EDNRA: variants seen among roughly 807,000 people sequenced by gnomAD.
The protein encoded by EDNRA is endothelin-1 receptor.
A neutral mutation model predicts 41.4 loss-of-function variants in EDNRA; 11 were observed. The ratio of observed to expected loss-of-function variants is 0.27; its 90% CI spans 0.17 to 0.44. The LOEUF is 0.44. Among genes scored for constraint, EDNRA ranks in the 20% least tolerant of loss-of-function variants. EDNRA has a pLI of 1.00. For synonymous variants in EDNRA, 172 were observed against 183.0 expected (o/e 0.94, Z 0.49); for missense variants, 294 against 531.0 (o/e 0.55, Z 4.39).
intron 2 of EDNRA, among the ~76,000 whole-genome samples, chr4:147,515,142 C>T (rs1302723523): frequency 6.6e-6 from 1 of 152,168 alleles, no homozygotes; most frequent in African/African-American, 2.4e-5. Context: ...TGCTTATGTC[C>T]CAACTCCAAA....
chr4:147,488,986 G>T (rs911855773), intron 2 of EDNRA: 8 of 152,152 alleles, frequency 5.3e-5, no homozygotes, highest in Non-Finnish European at 1.2e-4. Flanking sequence ...TGAAAATAAT[G>T]CATACAATTG....
chr4:147,513,809 G>A (rs944585317), intron 2 of EDNRA, among the ~76,000 whole-genome samples: 1 of 152,176 alleles, frequency 6.6e-6, no homozygotes, highest in Non-Finnish European at 1.5e-5. Flanking sequence ...AGGAGATGAA[G>A]GAGAGGAGAA....
chr4:147,530,057 T>C, intron 3 of EDNRA, among the ~76,000 whole-genome samples: 1 of 152,342 alleles, frequency 6.6e-6, no homozygotes, highest in African/African-American at 2.4e-5. Context: ...TACATTGGAT[T>C]ATGGATGTGT....
At chr4:147,508,655 C>A (rs904451752) in intron 2 of EDNRA, among the ~76,000 whole-genome samples, 3 of 152,178 alleles carry the variant, frequency 2.0e-5, no homozygotes, top group Admixed American at 2.0e-4. Context: ...AGGCAGGCAT[C>A]TAAGTTATTT....
intron 3 of EDNRA, among the ~76,000 whole-genome samples, chr4:147,527,277 T>C (rs1487048291): frequency 6.6e-6 from 1 of 152,140 alleles, no homozygotes; most frequent in African/African-American, 2.4e-5. Context: ...AAATTATGTG[T>C]ACAAACAAGC....
chr4:147,494,058 A>C (rs1729226176), intron 2 of EDNRA: 1 of 152,216 alleles, frequency 6.6e-6, no homozygotes, highest in Admixed American at 6.5e-5. Context: ...AGCAAGTCAA[A>C]TCTTGCATCT....
At chr4:147,489,906 C>T (rs11934092) in intron 2 of EDNRA, 2 of 152,088 alleles carry the variant, frequency 1.3e-5, no homozygotes, top group African/African-American at 4.8e-5. Context: ...CACCTCCTTC[C>T]TACTAATTCC....
At chr4:147,507,474 T>C (rs1308808833) in intron 2 of EDNRA, among the ~76,000 whole-genome samples, 1 of 152,204 alleles carries the variant, frequency 6.6e-6, no homozygotes, top group African/African-American at 2.4e-5. Flanking sequence ...TTATATAACA[T>C]TCTTGAAATG....
rs559296700 is a variant in EDNRA, at chr4:147,517,704, T to C, written c.421-2147T>C. 4.6e-5 allele frequency among the ~76,000 whole-genome samples: 7 copies of C among 152,352 alleles called. No homozygotes were observed. In the South Asian group the frequency reaches 1.5e-3, roughly 32 times the overall value. On this transcript the variant is annotated intron_variant, in intron 2 of 7. Transcript: ENST00000651419. ...CCACCACCAACACCACACCTATTTG[T>C]CTCAAAGAAAGACAATTCCATGATC...
chr4:147,530,620 C>G (rs1208343355), intron 3 of EDNRA, among the ~76,000 whole-genome samples: 1 of 152,206 alleles, frequency 6.6e-6, no homozygotes, highest in Non-Finnish European at 1.5e-5. Context: ...TGCCATGTGG[C>G]ATCATCGTAA....
intron 2 of EDNRA, among the ~76,000 whole-genome samples, chr4:147,517,886 T>G (rs1730170474): frequency 6.6e-6 from 1 of 152,180 alleles, no homozygotes; most frequent in Non-Finnish European, 1.5e-5. Flanking sequence ...TCATTTGTGG[T>G]TTTTCTGGAT....
chr4:147,534,911 C>G (rs866212113), intron 4 of EDNRA, among the ~76,000 whole-genome samples: 1 of 152,086 alleles, frequency 6.6e-6, no homozygotes, highest in Non-Finnish European at 1.5e-5. Context: ...TCTTTAGGAA[C>G]CATTTTTAGA....
At chr4:147,530,291 C>T (rs1443134715) in intron 3 of EDNRA, among the ~76,000 whole-genome samples, 1 of 152,162 alleles carries the variant, frequency 6.6e-6, no homozygotes, top group African/African-American at 2.4e-5. Context: ...GATGTAACTC[C>T]GTTGACAGCC....
At chr4:147,499,338 G>T (rs1729427506) in intron 2 of EDNRA, among the ~76,000 whole-genome samples, 1 of 152,106 alleles carries the variant, frequency 6.6e-6, no homozygotes, top group Admixed American at 6.5e-5. Context: ...TTGTAGGTGT[G>T]AGCCACCATG....
intron 1 of EDNRA, among the ~76,000 whole-genome samples, chr4:147,483,438 G>A (rs1295111664): frequency 6.6e-6 from 1 of 152,276 alleles, no homozygotes; most frequent in East Asian, 1.9e-4. Context: ...GCTCAAGGCA[G>A]ATAACAGATA....
chr4:147,511,378 C>A (rs962780443), intron 2 of EDNRA, among the ~76,000 whole-genome samples: 1 of 152,140 alleles, frequency 6.6e-6, no homozygotes, highest in South Asian at 2.1e-4. Context: ...TATTTACTAT[C>A]AAGTCAGTGA....
At chr4:147,523,651 C>T (rs867637432) in intron 3 of EDNRA, among the ~76,000 whole-genome samples, 4 of 151,726 alleles carry the variant, frequency 2.6e-5, no homozygotes, top group South Asian at 2.1e-4. Context: ...CCACCACGCC[C>T]GGCTTATTTT....
intron 2 of EDNRA, among the ~76,000 whole-genome samples, chr4:147,514,315 C>A (rs866579092): frequency 1.3e-5 from 2 of 152,042 alleles, no homozygotes; most frequent in African/African-American, 4.8e-5. Context: ...GGAGAACAGC[C>A]TTATTTTGTA....
At chr4:147,516,215 C>A (rs1730110528) in intron 2 of EDNRA, among the ~76,000 whole-genome samples, 1 of 152,166 alleles carries the variant, frequency 6.6e-6, no homozygotes, top group Non-Finnish European at 1.5e-5. Context: ...CCTCCAAGGG[C>A]CTGCCCTGCA....
Sources: allele counts gnomAD v4.1 joint callset (sites outside exome capture counted in the v4.1 genomes callset), GRCh38; gene constraint gnomAD v4.1.1; transcripts MANE v1.5; gene names NCBI Gene and HGNC (gene_info 2026-07-23, HGNC 2026-07-21).